Variants in DIPK1A observed in about 807,000 individuals in gnomAD.
DIPK1A encodes family with sequence similarity 69 member A.
Under a neutral mutation model 40.8 loss-of-function variants are expected in DIPK1A, and 27 were observed. The observed-to-expected ratio is 0.66, with a 90% CI of 0.49 to 0.91. DIPK1A has a LOEUF of 0.91. Among genes scored for constraint, DIPK1A ranks in the 40% least tolerant of loss-of-function variants. The pLI is 0.00. For missense variants in DIPK1A, 412 were observed against 505.7 expected (o/e 0.81, Z 1.78); for synonymous variants, 166 against 171.3 (o/e 0.97, Z 0.24).
intron 2 of DIPK1A, among the ~76,000 whole-genome samples, chr1:92,874,076 T>G (rs1487102824): frequency 3.3e-5 from 5 of 152,280 alleles, no homozygotes; most frequent in African/African-American, 1.2e-4. Context: ...TATTTTAGAC[T>G]CAGAAAGCTC....
chr1:92,909,290 C>T (rs6656130), intron 1 of DIPK1A, among the ~76,000 whole-genome samples: 2 of 151,950 alleles, frequency 1.3e-5, no homozygotes, highest in African/African-American at 4.8e-5. Context: ...CACAAAATAC[C>T]AACTTATATA....
At chr1:92,837,873 A>G, downstream of DIPK1A, 1 of 523,422 alleles carries the variant, frequency 1.9e-6, no homozygotes, top group Non-Finnish European at 3.4e-6. Context: ...TTCTGTAATC[A>G]TAGTTGTAAT....
intron 1 of DIPK1A, among the ~76,000 whole-genome samples, chr1:92,918,393 C>A (rs1357222609): frequency 6.6e-6 from 1 of 152,198 alleles, no homozygotes; most frequent in African/African-American, 2.4e-5. Flanking sequence ...AGGTGATGCG[C>A]CTGCCTCAGC....
At position 92,876,197 on chromosome 1, in the gene DIPK1A, T is replaced by C; in HGVS notation, c.189+99A>G. 3 of 777,768 alleles carry C rather than the reference T, an allele frequency of 3.9e-6. No individual in the cohort carries two copies. In the East Asian group the frequency reaches 9.8e-5, roughly 25 times the overall value. 48.2% of individuals were successfully genotyped at this position (777,768 alleles called of 1,614,324 possible). Reference sequence around the variant, plus strand: ...AGATTAGCACAATTCTAATGTCAAATTAACTTTTATTTTTAAAAACATCAT... The same window carrying C: ...AGATTAGCACAATTCTAATGTCAAACTAACTTTTATTTTTAAAAACATCAT... On this transcript the variant is annotated intron_variant, in intron 2 of 4. Coordinates refer to ENST00000370310, the MANE Select transcript of DIPK1A (RefSeq NM_001006605.5).
intron 2 of DIPK1A, among the ~76,000 whole-genome samples, chr1:92,866,237 G>A (rs1329299162): frequency 6.6e-6 from 1 of 152,160 alleles, no homozygotes; most frequent in Non-Finnish European, 1.5e-5. Flanking sequence ...GAGTAGCTGC[G>A]ATTATAGGCA....
chr1:92,850,866 G>C lies in DIPK1A; in HGVS notation c.279C>G (p.Ser93=), dbSNP rs186453280. 34 of 1,562,622 alleles carry C rather than the reference G, an allele frequency of 2.2e-5. No individual in the cohort carries two copies. Among genetic ancestry groups the C allele is most frequent in the Non-Finnish European group, 2.8e-5 (32 of 1,151,362 alleles). The stretch of plus-strand genomic sequence containing the variant: ...GCCATACCTGATTGTTGGGCTTGGT[G>C]GATAAACATTTTCCAAAGTAAAGAG... The part of the protein sequence containing the change: ...TETLYFGKCL[S]TKPNNQMYLG... The change falls in exon 3 of 5, where the codon TCC becomes TCG. Residue 93 remains serine (S), a synonymous_variant. Coordinates refer to ENST00000370310, the MANE Select transcript of DIPK1A (RefSeq NM_001006605.5).
At chr1:92,839,490 A>G (rs1405013241), downstream of DIPK1A, among the ~76,000 whole-genome samples, 1 of 152,190 alleles carries the variant, frequency 6.6e-6, no homozygotes, top group Non-Finnish European at 1.5e-5. Flanking sequence ...TGAAAGACAG[A>G]AGAGAGGTCC....
intron 1 of DIPK1A, among the ~76,000 whole-genome samples, chr1:92,946,060 A>G (rs1273469942): frequency 6.6e-6 from 1 of 152,192 alleles, no homozygotes; most frequent in African/African-American, 2.4e-5. Flanking sequence ...TCTTTTCCCT[A>G]TTGGCAGAAA....
At chr1:92,933,899 G>A (rs1203963821) in intron 1 of DIPK1A, 1 of 152,194 alleles carries the variant, frequency 6.6e-6, no homozygotes, top group Admixed American at 6.6e-5. Context: ...GATTAATCTG[G>A]ATGTTAGCTT....
intron 1 of DIPK1A, among the ~76,000 whole-genome samples, chr1:92,917,153 A>G (rs1272214648): frequency 1.3e-5 from 2 of 152,188 alleles, no homozygotes; most frequent in African/African-American, 4.8e-5. Flanking sequence ...TTGATGTATC[A>G]TTATTTACCT....
At chr1:92,885,224 C>A (rs1648541491) in intron 1 of DIPK1A, among the ~76,000 whole-genome samples, 1 of 152,126 alleles carries the variant, frequency 6.6e-6, no homozygotes, top group East Asian at 1.9e-4. Context: ...AATGTGGTCC[C>A]AAAGGAGCTA....
chr1:92,921,002 C>A (rs1183246964), intron 1 of DIPK1A, among the ~76,000 whole-genome samples: 1 of 152,050 alleles, frequency 6.6e-6, no homozygotes, highest in Admixed American at 6.6e-5. Flanking sequence ...AAATGGCCAC[C>A]CACAGAGTAG....
intron 1 of DIPK1A, among the ~76,000 whole-genome samples, chr1:92,920,476 C>T (rs1650227229): frequency 6.6e-6 from 1 of 152,160 alleles, no homozygotes; most frequent in Non-Finnish European, 1.5e-5. Context: ...TACCCAGTAT[C>T]GAGTATGTCT....
At chr1:92,854,376 G>A (rs1687916611) in intron 2 of DIPK1A, among the ~76,000 whole-genome samples, 2 of 152,192 alleles carry the variant, frequency 1.3e-5, no homozygotes, top group Admixed American at 1.3e-4. Flanking sequence ...AATAAAGCCA[G>A]GATTCTAGCC....
At chr1:92,905,336 T>C (rs1455649434) in intron 1 of DIPK1A, among the ~76,000 whole-genome samples, 1 of 152,118 alleles carries the variant, frequency 6.6e-6, no homozygotes, top group Non-Finnish European at 1.5e-5. Flanking sequence ...GTCTTTTGGA[T>C]AGAAGCCATT....
chr1:92,917,317 C>T (rs1011051319), intron 1 of DIPK1A, among the ~76,000 whole-genome samples: 5 of 152,134 alleles, frequency 3.3e-5, no homozygotes, highest in Non-Finnish European at 7.4e-5. Flanking sequence ...ACAGTATCAA[C>T]ATTTTTATGG....
At chr1:92,868,964 T>A (rs1464816891) in intron 2 of DIPK1A, among the ~76,000 whole-genome samples, 1 of 40,676 alleles carries the variant, frequency 2.5e-5, no homozygotes, top group Admixed American at 2.5e-4. Flanking sequence ...AGACTCAATC[T>A]TAAAAAAAAA....
intron 1 of DIPK1A, among the ~76,000 whole-genome samples, chr1:92,935,901 T>C (rs1432163808): frequency 6.6e-6 from 1 of 151,940 alleles, no homozygotes; most frequent in Non-Finnish European, 1.5e-5. Flanking sequence ...AGCGAGACCC[T>C]GTCTCTACAA....
At chr1:92,901,776 A>C (rs576710542) in intron 1 of DIPK1A, among the ~76,000 whole-genome samples, 18 of 152,252 alleles carry the variant, frequency 1.2e-4, no homozygotes, top group Non-Finnish European at 2.4e-4. Flanking sequence ...CCTGGGAGGC[A>C]GGGAATGCAC....
Sources: allele counts gnomAD v4.1 joint callset (sites outside exome capture counted in the v4.1 genomes callset), GRCh38; gene constraint gnomAD v4.1.1; transcripts MANE v1.5; gene names NCBI Gene and HGNC (gene_info 2026-07-23, HGNC 2026-07-21).